Variants in DNAH6 observed in about 807,000 individuals in gnomAD.
DNAH6 encodes the protein dynein axonemal heavy chain 6.
A neutral mutation model predicts 491.4 loss-of-function variants in DNAH6; 340 were observed. The ratio of observed to expected loss-of-function variants is 0.69; its 90% CI spans 0.63 to 0.76. DNAH6 has a LOEUF of 0.76. Among genes scored for constraint, DNAH6 ranks in the 30% least tolerant of loss-of-function variants. DNAH6 has a pLI of 0.00. For synonymous variants in DNAH6, 1,603 were observed against 1,686.1 expected, an observed-to-expected ratio of 0.95 and a Z score of 1.21; for missense variants, 4,443 against 4,972.2, an observed-to-expected ratio of 0.89 and a Z score of 3.20.
rs200658278 is a variant in DNAH6, at chr2:84,808,373, A to G, written c.11612-42A>G. On this transcript the variant is annotated intron_variant, in intron 71 of 76. Transcript: ENST00000389394. ...TGCCTTAGCAATATTGTGAGAACAA[A>G]TCAATGGTGACTGGCCTGAGGAATC... 1,710 of 1,472,748 alleles carry G rather than the reference A, an allele frequency of 1.2e-3. 4 individuals carry two copies. Among genetic ancestry groups the G allele is most frequent in the Non-Finnish European group, 1.4e-3 (1,571 of 1,113,676 alleles). 91.2% of individuals were successfully genotyped at this position (1,472,748 alleles called of 1,614,324 possible). A position where few individuals can be genotyped will look rare whatever the true frequency, so the allele number is the denominator to read the frequency against.
At chr2:84,700,993 G>A in intron 48 of DNAH6, 104 bp from the exon 49 acceptor site, 1 of 1,303,306 alleles carries the variant, frequency 7.7e-7, no homozygotes, top group Non-Finnish European at 1.0e-6. Context: ...GTGAAGAGGG[G>A]ACTGGGCAGG....
chr2:84,528,641 T>G (rs1676831823), intron 3 of DNAH6, among the ~76,000 whole-genome samples: 1 of 151,744 alleles, frequency 6.6e-6, no homozygotes, highest in South Asian at 2.1e-4. Context: ...TAATAAACAT[T>G]GAGTTAAAGG....
chr2:84,480,149 T>A, the DNAH6 span, among the ~76,000 whole-genome samples: 2 of 152,240 alleles, frequency 1.3e-5, no homozygotes, highest in African/African-American at 4.8e-5. Context: ...ACAAAAATTA[T>A]GTGCTGCTTC....
chr2:84,633,506 C>G (rs1330923637), intron 29 of DNAH6, among the ~76,000 whole-genome samples: 1 of 151,454 alleles, frequency 6.6e-6, no homozygotes, highest in Non-Finnish European at 1.5e-5. Flanking sequence ...AAATATTTCT[C>G]TAGGGCCTGT....
At chr2:84,624,242 A>G in intron 26 of DNAH6, 23 bp from the exon 27 acceptor site, 1 of 1,525,664 alleles carries the variant, frequency 6.6e-7, no homozygotes, top group Non-Finnish European at 8.8e-7. Flanking sequence ...AAAATTCACC[A>G]TGACAATTTT....
In DNAH6 at chr2:84,528,911, G is replaced by A. The variant is rs76200524; in HGVS notation, c.407G>A (p.Arg136Gln). The change falls in exon 4 of 77, where the codon CGG becomes CAG. Residue 136 changes from arginine (R) to glutamine (Q), a missense_variant. Physicochemically the swap from Arg to Gln is conservative, Grantham distance 43. Coordinates refer to ENST00000389394, the MANE Select transcript of DNAH6 (RefSeq NM_001370.2). ...AAAATTGGCTTTGTTTAGATTCATC[G>A]GCCCTATGTTGAGGTGTTCTCTCCC... ...QDAVKKMQIH[R>Q]PYVEVFSPSP... 31,093 of 1,535,720 alleles carry A rather than the reference G, an allele frequency of 0.02. 421 individuals carry two copies. The highest frequency in any genetic ancestry group is 0.024 in the South Asian group (1,981 of 81,940).
the DNAH6 span, among the ~76,000 whole-genome samples, chr2:84,478,077 C>T: frequency 1.3e-5 from 2 of 152,182 alleles, no homozygotes; most frequent in Admixed American, 6.5e-5. Context: ...CCCTCAGGCC[C>T]CACTGTAGGT....
chr2:84,728,078 C>T (rs1698806650), intron 61 of DNAH6, among the ~76,000 whole-genome samples, 176 bp downstream of exon 61: 1 of 152,206 alleles, frequency 6.6e-6, no homozygotes, highest in Non-Finnish European at 1.5e-5. Context: ...GAATAAGTCT[C>T]ATGAGACCTG....
At position 84,797,514 on chromosome 2, in the gene DNAH6, G is replaced by C. The variant is rs538152747; in HGVS notation, c.11360-23G>C. 55 of 1,547,110 alleles carry C rather than the reference G, an allele frequency of 3.6e-5. No individual in the cohort carries two copies. The African/African-American group carries it at 6.2e-4, about 17-fold the overall frequency. ...AAGCCAGTCTATTTGAGACATATTT[G>C]TCTTCTGTGTTTTTAATAACAGGCA... On this transcript the variant is annotated intron_variant, in intron 69 of 76. Coordinates refer to ENST00000389394, the MANE Select transcript of DNAH6 (RefSeq NM_001370.2).
the DNAH6 span, among the ~76,000 whole-genome samples, chr2:84,464,665 T>G: frequency 2.6e-5 from 4 of 152,152 alleles, no homozygotes; most frequent in African/African-American, 9.7e-5. Context: ...TAGGGTAACT[T>G]CCTGATGTTG....
At chr2:84,709,296 A>C in intron 54 of DNAH6, 47 bp from the exon 55 acceptor site, 1 of 1,541,248 alleles carries the variant, frequency 6.5e-7, no homozygotes, top group Non-Finnish European at 8.8e-7. Flanking sequence ...GCCCTCGTTT[A>C]CTGAGTGTTC....
intron 64 of DNAH6, among the ~76,000 whole-genome samples, chr2:84,772,915 A>G (rs112625216): frequency 5.3e-5 from 8 of 152,116 alleles, no homozygotes; most frequent in Middle Eastern, 3.2e-3. Flanking sequence ...AAGTCTCAAT[A>G]AACTTAAAAA....
rs1401782765 is a variant in DNAH6, at chr2:84,694,358, T to G, written c.7402T>G (p.Cys2468Gly). Residue 2468 changes from cysteine to glycine, a missense_variant, in exon 46 of 77, where the codon TGT becomes GGT. Coordinates refer to ENST00000389394, the MANE Select transcript of DNAH6 (RefSeq NM_001370.2). ...TGCAGCTCATATATGCGGTTACAAA[T>G]GTTTGCAGATTGAACTCAGCCGGGG... ...RLAAHICGYK[C>G]LQIELSRGYN... is the part of the protein sequence containing the mutation. 2.6e-6 allele frequency: 4 copies of G among 1,552,294 alleles called. No homozygotes were observed. Among genetic ancestry groups the G allele is most frequent in the Non-Finnish European group, 3.5e-6 (4 of 1,147,146 alleles).
chr2:84,599,646 CTTTGCACA>C (rs1685029947), intron 18 of DNAH6, among the ~76,000 whole-genome samples: 1 of 151,958 alleles, frequency 6.6e-6, no homozygotes, highest in Admixed American at 6.5e-5. Context: ...ATTGACTCAC[CTTTGCACA>C]TTTGCCAAAA....
chr2:84,624,755 A>C (rs1380168302), intron 28 of DNAH6, 135 bp downstream of exon 28: 9 of 1,255,118 alleles, frequency 7.2e-6, no homozygotes, highest in Non-Finnish European at 3.3e-6. Flanking sequence ...TATTTGCATT[A>C]TTTAATTATG....
At chr2:84,716,226 A>G (rs1048639470) in intron 58 of DNAH6, among the ~76,000 whole-genome samples, 1 of 150,786 alleles carries the variant, frequency 6.6e-6, no homozygotes, top group African/African-American at 2.4e-5. Context: ...TATTTCCCAA[A>G]TATTGCATTA....
At chr2:84,598,009 T>C (rs1353858684) in intron 18 of DNAH6, among the ~76,000 whole-genome samples, 2 of 151,390 alleles carry the variant, frequency 1.3e-5, no homozygotes, top group East Asian at 3.9e-4. Flanking sequence ...GAGAAGCCAG[T>C]CAAAAAAAAA....
chr2:84,490,620 G>GGC, the DNAH6 span, among the ~76,000 whole-genome samples: 7 of 152,228 alleles, frequency 4.6e-5, no homozygotes, highest in African/African-American at 1.7e-4. Flanking sequence ...GGAGTGCAGT[G>GGC]GCATTATCTC....
intron 60 of DNAH6, among the ~76,000 whole-genome samples, chr2:84,723,530 C>T (rs1698364867): frequency 6.6e-6 from 1 of 152,178 alleles, no homozygotes; most frequent in African/African-American, 2.4e-5. Context: ...ACATCCTCTG[C>T]AGTAATCTAG....
Sources: gnomAD v4.1 joint callset for allele counts (sites outside exome capture counted in the v4.1 genomes callset) on GRCh38, gnomAD v4.1.1 for gene constraint, MANE v1.5 for transcripts, NCBI Gene and HGNC (gene_info 2026-07-23, HGNC 2026-07-21) for gene names.